Variants in CC2D2A observed in about 807,000 individuals in gnomAD.
CC2D2A encodes coiled-coil and C2 domain containing 2A, also known as coiled-coil and C2 domain-containing protein 2A.
In CC2D2A, 155 loss-of-function variants were observed where a neutral mutation model predicts 212.9. That is an observed-to-expected ratio of 0.73 (90% CI 0.64 to 0.83). The LOEUF is 0.83. Among genes scored for constraint, CC2D2A ranks in the 40% least tolerant of loss-of-function variants. The probability of loss-of-function intolerance (pLI) is 0.00; values close to 1 mark genes in which losing one functional copy is unlikely to be tolerated. For synonymous variants in CC2D2A, 667 were observed against 686.5 expected, an observed-to-expected ratio of 0.97 and a Z score of 0.44; for missense variants, 1,856 against 1,956.2, an observed-to-expected ratio of 0.95 and a Z score of 0.97.
intron 29 of CC2D2A, among the ~76,000 whole-genome samples, chr4:15,575,630 C>T (rs1391618754): frequency 6.6e-6 from 1 of 152,188 alleles, no homozygotes; most frequent in African/African-American, 2.4e-5. Context: ...AAAATATCAT[C>T]ACTATCTCCC....
intron 11 of CC2D2A, 137 bp downstream of exon 11, chr4:15,516,893 C>T (rs1337108030): frequency 1.5e-6 from 1 of 686,760 alleles, no homozygotes; most frequent in Non-Finnish European, 2.1e-6. Context: ...AAAGAACAAA[C>T]ATCAGGCATA....
intron 29 of CC2D2A, among the ~76,000 whole-genome samples, chr4:15,578,553 G>A (rs1720507856): frequency 6.6e-6 from 1 of 152,168 alleles, no homozygotes; most frequent in African/African-American, 2.4e-5. Context: ...ATCTTACTTT[G>A]TGGGAAAGAC....
intron 13 of CC2D2A, among the ~76,000 whole-genome samples, chr4:15,528,954 C>T (rs996162049): frequency 6.6e-6 from 1 of 152,214 alleles, no homozygotes; most frequent in Non-Finnish European, 1.5e-5. Context: ...AGTGCTACAG[C>T]TACCGCTTCT....
intron 11 of CC2D2A, among the ~76,000 whole-genome samples, chr4:15,520,025 T>C (rs1261394611): frequency 1.3e-5 from 2 of 152,182 alleles, no homozygotes; most frequent in South Asian, 2.1e-4. Flanking sequence ...GAATGATGAA[T>C]AGAGAAAACA....
At chr4:15,507,137 C>T (rs1716310370) in intron 6 of CC2D2A, among the ~76,000 whole-genome samples, 1 of 151,846 alleles carries the variant, frequency 6.6e-6, no homozygotes, top group South Asian at 2.1e-4. Context: ...CTTCTTTCCT[C>T]ATCCTCAAAA....
chr4:15,544,349 C>T (rs1299191357), intron 17 of CC2D2A, among the ~76,000 whole-genome samples: 1 of 152,154 alleles, frequency 6.6e-6, no homozygotes, highest in Non-Finnish European at 1.5e-5. Context: ...AGTTCTGCCT[C>T]CTAGTCTGAC....
In CC2D2A at chr4:15,554,517, A is replaced by C. The variant is rs552338251; in HGVS notation, c.2487-555A>C. Reference sequence around the variant, plus strand: ...GCAAAACCCCATCTCTACTAAAAAAAATAATAAAATTAGCTGGGCATGGTG... The same window carrying C: ...GCAAAACCCCATCTCTACTAAAAAACATAATAAAATTAGCTGGGCATGGTG... On this transcript the variant is annotated intron_variant, in intron 19 of 36. Transcript: ENST00000424120. Among the ~76,000 whole-genome samples the C allele has an allele frequency of 5.3e-5, 8 of 152,334 alleles. No individual in the cohort carries two copies. In the South Asian group the frequency reaches 1.7e-3, roughly 32 times the overall value.
At position 15,502,821 on chromosome 4, in the gene CC2D2A, G is replaced by A. The variant is rs759758488; in HGVS notation, c.337-1G>A. 6 of 1,606,480 alleles carry A rather than the reference G, an allele frequency of 3.7e-6. No homozygotes were observed. The highest frequency in any genetic ancestry group is 8.5e-7 in the Non-Finnish European group (1 of 1,176,614). ...CAGTAAATTTCTGTTTGACTTTTTA[G>A]TCCAAAGCAGAAAGTGCATTGCTGC... On this transcript the variant is annotated splice_acceptor_variant, in intron 5 of 36. Transcript: ENST00000424120. LOFTEE classifies it high-confidence loss of function.
intron 36 of CC2D2A, 148 bp downstream of exon 36, chr4:15,599,854 A>G: frequency 1.9e-6 from 1 of 520,284 alleles, no homozygotes; most frequent in Non-Finnish European, 3.3e-6. Context: ...TGTGATCATA[A>G]GTTTTAAACC....
At chr4:15,481,814 C>G in intron 4 of CC2D2A, 1 of 985,308 alleles carries the variant, frequency 1.0e-6, no homozygotes, top group Non-Finnish European at 1.2e-6. Flanking sequence ...TGCAGAAACT[C>G]AAAGGAAGAT....
intron 4 of CC2D2A, among the ~76,000 whole-genome samples, chr4:15,486,900 C>T (rs1715032385): frequency 6.6e-6 from 1 of 151,728 alleles, no homozygotes; most frequent in Non-Finnish European, 1.5e-5. Context: ...TCATCATTGA[C>T]CCAATTGTTG....
chr4:15,566,804 T>A (rs1452915939), intron 24 of CC2D2A, among the ~76,000 whole-genome samples: 1 of 151,700 alleles, frequency 6.6e-6, no homozygotes, highest in Non-Finnish European at 1.5e-5. Flanking sequence ...AGACCTCTGG[T>A]CCCTACAAAA....
Position 15,502,334 on chromosome 4 carries a change from C to CT in CC2D2A, c.248-91dup, listed in dbSNP as rs1216515351. 1.3e-5 allele frequency: 13 copies of CT among 966,872 alleles called. 2 individuals carry two copies. The highest frequency in any genetic ancestry group is 1.2e-4 in the South Asian group (7 of 57,642). The allele number at this position is 966,872 out of a possible 1,614,324, so 59.9% of individuals were successfully genotyped here. On this transcript the variant is annotated intron_variant, in intron 4 of 36. Coordinates refer to ENST00000424120, the MANE Select transcript of CC2D2A (RefSeq NM_001378615.1). ...TATTTCTTTTTTAATTTAACCTTCC[C>CT]TTTTGGGGGGAGGGAATTGTTTTAA...
intron 14 of CC2D2A, 50 bp downstream of exon 14, chr4:15,533,383 A>G: frequency 5.5e-6 from 7 of 1,275,796 alleles, no homozygotes; most frequent in Non-Finnish European, 7.5e-6. Context: ...TACATTAAGA[A>G]AAATGTATAA....
chr4:15,481,730 A>G, intron 4 of CC2D2A: 1 of 931,994 alleles, frequency 1.1e-6, no homozygotes, highest in South Asian at 4.9e-5. Context: ...AGTCTCAGAT[A>G]TTCCTTTATA....
intron 4 of CC2D2A, chr4:15,492,901 A>G (rs560842477): frequency 1.1e-4 from 62 of 553,384 alleles, no homozygotes; most frequent in Admixed American, 9.2e-4. Flanking sequence ...CTGGGTGCTC[A>G]GTGTAGCCCA....
rs189144895 is a variant in CC2D2A at position 15,546,963 on chromosome 4, C to T, written c.2182-3861C>T. ...AACACAATATTTACATATGTTATCT[C>T]GTGTTATCCCGAAGAAAGCCATGGG... is the stretch of plus-strand genomic sequence containing the variant. On this transcript the variant is annotated intron_variant, in intron 17 of 36. Transcript: ENST00000424120. 1.5e-3 allele frequency among the ~76,000 whole-genome samples: 223 copies of T among 151,962 alleles called. 1 individual carries two copies. Among genetic ancestry groups the T allele is most frequent in the Non-Finnish European group, 2.7e-3 (186 of 67,988 alleles).
chr4:15,486,362 ATTTC>A (rs1380251744), intron 4 of CC2D2A, among the ~76,000 whole-genome samples: 1 of 151,754 alleles, frequency 6.6e-6, no homozygotes, highest in Admixed American at 6.6e-5. Context: ...CAGATTTTAT[ATTTC>A]TTCATGTTTC....
chr4:15,488,461 T>C (rs1297263209), intron 4 of CC2D2A, among the ~76,000 whole-genome samples: 1 of 152,222 alleles, frequency 6.6e-6, no homozygotes, highest in Non-Finnish European at 1.5e-5. Flanking sequence ...CTACTTTATA[T>C]GTTATTTGTT....
Sources: allele counts gnomAD v4.1 joint callset (sites outside exome capture counted in the v4.1 genomes callset), GRCh38; gene constraint gnomAD v4.1.1; transcripts MANE v1.5; gene names NCBI Gene and HGNC (gene_info 2026-07-23, HGNC 2026-07-21).